Variants in ALLC observed in about 807,000 individuals in gnomAD.
The protein encoded by ALLC is probable inactive allantoicase.
ALLC carries 40 observed loss-of-function variants against 45.0 expected under a neutral mutation model. That is an observed-to-expected ratio of 0.89 (90% CI 0.69 to 1.16). ALLC has a LOEUF of 1.16. Ranked by LOEUF, ALLC falls within the 50% of genes most tolerant of loss-of-function variation. The pLI is 0.00. For missense variants in ALLC, 488 were observed against 493.1 expected (o/e 0.99, Z 0.10); for synonymous variants, 176 against 178.1 (o/e 0.99, Z 0.09).
At chr2:3,652,580 ATTTTTTTTTTTTTTT>A in the ALLC span, among the ~76,000 whole-genome samples, 171 of 93,360 alleles carry the variant, frequency 1.8e-3, no homozygotes, top group African/African-American at 5.6e-3. Flanking sequence ...AAACTTTGTG[ATTTTTTTTTTTTTTT>A]TTTTTTTTTT....
rs1666649957 is a variant in ALLC at position 3,664,687 on chromosome 2, C to T, written c.-63+6393C>T. Among the ~76,000 whole-genome samples the T allele has an allele frequency of 3.9e-5, 6 of 152,156 alleles. No individual in the cohort carries two copies. The South Asian group carries it at 1.2e-3, about 32-fold the overall frequency. On this transcript the variant is annotated intron_variant, in intron 1 of 11. Transcript: ENST00000252505. ...TCACTTGAAAATAGGAGTTCAAGAC[C>T]TGCCCGGGCAACATAGTGAGACCCT...
At chr2:3,700,123 T>C (rs904545573) in intron 10 of ALLC, among the ~76,000 whole-genome samples, 2 of 152,242 alleles carry the variant, frequency 1.3e-5, no homozygotes, top group African/African-American at 2.4e-5. Flanking sequence ...AGGGTGTTTA[T>C]AGTTTTGGGT....
chr2:3,647,839 G>GC, the ALLC span, among the ~76,000 whole-genome samples: 1 of 152,114 alleles, frequency 6.6e-6, no homozygotes, highest in East Asian at 1.9e-4. Flanking sequence ...CTTCACTCTC[G>GC]CAACCCAGCT....
At chr2:3,666,472 G>T (rs1373642786) in intron 1 of ALLC, among the ~76,000 whole-genome samples, 2 of 152,252 alleles carry the variant, frequency 1.3e-5, no homozygotes, top group Non-Finnish European at 2.9e-5. Flanking sequence ...GAGACCCACA[G>T]GCCACAGCCA....
chr2:3,698,847 G>T (rs2148023786), intron 10 of ALLC, among the ~76,000 whole-genome samples: 1 of 152,072 alleles, frequency 6.6e-6, no homozygotes, highest in African/African-American at 2.4e-5. Flanking sequence ...GTGCCATGTT[G>T]GTGTGCTGCA....
chr2:3,695,524 A>G, intron 7 of ALLC, 193 bp from the exon 8 acceptor site: 1 of 586,138 alleles, frequency 1.7e-6, no homozygotes, highest in Non-Finnish European at 3.0e-6. Flanking sequence ...GAGCTGGGAA[A>G]GTTGTTCTGG....
At chr2:3,653,510 G>A (rs1463889274), upstream of ALLC, among the ~76,000 whole-genome samples, 4 of 152,170 alleles carry the variant, frequency 2.6e-5, no homozygotes, top group South Asian at 2.1e-4. This position sits in a 1 kb window ranked among gnomAD's most constrained non-coding sequence, Gnocchi z 4.1. Context: ...AGCCCTTGCC[G>A]CTTTCCCTGA....
chr2:3,651,217 GGCGGCGCCCACACA>G, the ALLC span, among the ~76,000 whole-genome samples: 4 of 151,658 alleles, frequency 2.6e-5, no homozygotes, highest in African/African-American at 9.7e-5. Context: ...GGACGAGGAC[GGCGGCGCCCACACA>G]GGCGCGGGGA....
At chr2:3,665,306 G>GT (rs891968308) in intron 1 of ALLC, among the ~76,000 whole-genome samples, 5 of 151,186 alleles carry the variant, frequency 3.3e-5, no homozygotes, top group African/African-American at 7.3e-5. Flanking sequence ...GAGTTGAAGT[G>GT]TTTTTTTTTA....
intron 1 of ALLC, 33 bp from the exon 2 acceptor site, chr2:3,671,063 C>T: frequency 1.4e-6 from 2 of 1,401,704 alleles, no homozygotes; most frequent in Non-Finnish European, 2.0e-6. Flanking sequence ...CCCGCAGCCC[C>T]CAAGGTTGAC....
upstream of ALLC, among the ~76,000 whole-genome samples, chr2:3,656,522 C>T (rs866681607): frequency 1.3e-5 from 2 of 152,266 alleles, no homozygotes; most frequent in Admixed American, 6.5e-5. Flanking sequence ...TTTAACTTCA[C>T]TAAATTAAGT....
chr2:3,681,519 G>A (rs1278567570), intron 5 of ALLC, 115 bp from the exon 6 acceptor site: 17 of 621,662 alleles, frequency 2.7e-5, no homozygotes, highest in Non-Finnish European at 4.3e-5. Flanking sequence ...TTGATACTTC[G>A]AAATATCTTT....
rs748276169 is a variant in ALLC, at chr2:3,697,355, A to G, written c.749A>G (p.Glu250Gly). 2.8e-5 allele frequency: 45 copies of G among 1,613,478 alleles called. No homozygotes were observed. The East Asian group carries it at 9.8e-4, about 35-fold the overall frequency. The change falls in exon 10 of 12, where the codon GAG (glutamate) becomes GGG (glycine). Residue 250 changes from glutamate to glycine, a missense_variant. Glu to Gly is a moderately conservative substitution (Grantham distance 98, BLOSUM62 -2). Transcript: ENST00000252505. ...LDRPPILEND[E>G]NGILLVPGCE... ...TTCTCTTCTGAATTCCAGAATGATG[A>G]GAATGGCATTCTCTTGGTTCCGGGT...
At chr2:3,646,062 C>A in the ALLC span, among the ~76,000 whole-genome samples, 3 of 152,154 alleles carry the variant, frequency 2.0e-5, no homozygotes, top group Admixed American at 1.3e-4. Flanking sequence ...TGCCCGCAGC[C>A]TTGGAAAATA....
the ALLC span, among the ~76,000 whole-genome samples, chr2:3,652,018 T>G: frequency 6.6e-6 from 1 of 152,218 alleles, no homozygotes; most frequent in East Asian, 1.9e-4. Context: ...AACCACACGT[T>G]TCTTAGTTGC....
rs1667700994 is a variant in ALLC at position 3,697,358 on chromosome 2, A to G, written c.752A>G (p.Asn251Ser). ...TCTTCTGAATTCCAGAATGATGAGA[A>G]TGGCATTCTCTTGGTTCCGGGTTGT... ...DRPPILENDE[N>S]GILLVPGCEW... The change falls in exon 10 of 12, where the codon AAT becomes AGT. Residue 251 changes from asparagine to serine, a missense_variant. Physicochemically the swap from Asn to Ser is conservative, Grantham distance 46 (BLOSUM62 1). Coordinates refer to ENST00000252505, the MANE Select transcript of ALLC (RefSeq NM_018436.4). 6.2e-7 allele frequency: 1 copy of G among 1,613,654 alleles called. No individual in the cohort carries two copies. The highest frequency in any genetic ancestry group is 8.5e-7 in the Non-Finnish European group (1 of 1,179,586).
intron 7 of ALLC, among the ~76,000 whole-genome samples, chr2:3,693,067 C>T (rs12623808): frequency 2.6e-5 from 4 of 152,100 alleles, no homozygotes; most frequent in Non-Finnish European, 5.9e-5. Context: ...AGAGGGTGTG[C>T]AGGTGAGGTC....
chr2:3,697,275 C>T (rs1667699096), intron 9 of ALLC, 73 bp from the exon 10 acceptor site: 1 of 1,099,528 alleles, frequency 9.1e-7, no homozygotes, highest in Non-Finnish European at 1.4e-6. Context: ...CCTTTTTCAC[C>T]TGTTGGTTTT....
chr2:3,696,548 T>A (rs922580199), intron 9 of ALLC, among the ~76,000 whole-genome samples, 200 bp downstream of exon 9: 16 of 152,342 alleles, frequency 1.1e-4, no homozygotes, highest in African/African-American at 3.4e-4. Context: ...AACATACTGG[T>A]CATTGCCAGC....
Sources: gnomAD v4.1 joint callset for allele counts (sites outside exome capture counted in the v4.1 genomes callset) on GRCh38, gnomAD v4.1.1 for gene constraint, Gnocchi (gnomAD v3.1) non-coding constraint, MANE v1.5 for transcripts, NCBI Gene and HGNC (gene_info 2026-07-23, HGNC 2026-07-21) for gene names.